TASP1: variants seen among roughly 807,000 people sequenced by gnomAD.
The protein encoded by TASP1 is taspase 1, also known as threonine aspartase 1.
TASP1 carries 16 observed loss-of-function variants against 56.6 expected under a neutral mutation model. That is an observed-to-expected ratio of 0.28 (90% CI 0.19 to 0.43). The LOEUF (loss-of-function observed/expected upper bound fraction) is 0.43, where lower values mean the gene tolerates loss of function less well. Ranked by LOEUF, TASP1 falls within the 20% of genes least tolerant of loss-of-function variation. TASP1 has a pLI of 1.00. For synonymous variants in TASP1, 179 were observed against 184.2 expected (o/e 0.97, Z 0.23); for missense variants, 393 against 511.6 (o/e 0.77, Z 2.24).
chr20:13,380,020 C>T, the TASP1 span, among the ~76,000 whole-genome samples: 2 of 152,128 alleles, frequency 1.3e-5, no homozygotes, highest in African/African-American at 4.8e-5. Flanking sequence ...TTAGAACATG[C>T]TCCTTTAGCT....
At chr20:13,579,501 C>A (rs1429265380) in intron 6 of TASP1, among the ~76,000 whole-genome samples, 1 of 152,040 alleles carries the variant, frequency 6.6e-6, no homozygotes, top group African/African-American at 2.4e-5. Flanking sequence ...CTAGCTGGGA[C>A]TACAGGTGCC....
At chr20:13,338,644 T>C in the TASP1 span, among the ~76,000 whole-genome samples, 1 of 152,234 alleles carries the variant, frequency 6.6e-6, no homozygotes, top group Non-Finnish European at 1.5e-5. Flanking sequence ...GGTTTCATGC[T>C]AAAGATGTTT....
At chr20:13,327,446 A>G in the TASP1 span, among the ~76,000 whole-genome samples, 1 of 152,164 alleles carries the variant, frequency 6.6e-6, no homozygotes, top group African/African-American at 2.4e-5. Flanking sequence ...ACAAATTAGA[A>G]AAAAAAACTA....
At chr20:13,169,298 A>G in the TASP1 span, among the ~76,000 whole-genome samples, 1 of 152,188 alleles carries the variant, frequency 6.6e-6, no homozygotes. Context: ...AATTGGCCAC[A>G]ATGGGAGTAT....
chr20:13,123,051 C>T, the TASP1 span, among the ~76,000 whole-genome samples: 5 of 152,182 alleles, frequency 3.3e-5, no homozygotes, highest in Non-Finnish European at 5.9e-5. Context: ...CAATACTCGG[C>T]CAGGCGTGGT....
At chr20:13,406,948 T>G (rs1285969516) in intron 13 of TASP1, among the ~76,000 whole-genome samples, 2 of 152,134 alleles carry the variant, frequency 1.3e-5, no homozygotes, top group Admixed American at 6.5e-5. Flanking sequence ...TTACAGGCAT[T>G]AGCCACCGTG....
At chr20:13,207,978 GA>G in the TASP1 span, among the ~76,000 whole-genome samples, 89 of 147,714 alleles carry the variant, frequency 6.0e-4, no homozygotes, top group African/African-American at 5.0e-4. Flanking sequence ...ATCTTGAAGG[GA>G]AAAAAAAAAT....
the TASP1 span, among the ~76,000 whole-genome samples, chr20:13,373,821 CA>C: frequency 2.0e-5 from 3 of 152,236 alleles, no homozygotes; most frequent in East Asian, 3.9e-4. Context: ...GCTATTTCTT[CA>C]AATACTTTTT....
chr20:13,472,884 G>A (rs2044568106), intron 11 of TASP1, among the ~76,000 whole-genome samples: 1 of 151,898 alleles, frequency 6.6e-6, no homozygotes, highest in African/African-American at 2.4e-5. Flanking sequence ...TACACTGTTG[G>A]TGGGAGTGTA....
At chr20:13,511,060 C>T (rs998978500) in intron 10 of TASP1, among the ~76,000 whole-genome samples, 5 of 152,080 alleles carry the variant, frequency 3.3e-5, no homozygotes, top group African/African-American at 1.2e-4. Flanking sequence ...CATGGGTAAT[C>T]CCATTTTCCT....
rs569996784 is a variant in TASP1 at position 13,543,703 on chromosome 20, C to A, written c.676-9562G>T. On this transcript the variant is annotated intron_variant, in intron 8 of 13. Transcript: ENST00000337743. ...CTCCACAATACAAGAAGACCATAGG[C>A]TGGCTTGTTACAGGATCTTTATTGG... Among the ~76,000 whole-genome samples the A allele has an allele frequency of 2.0e-5, 3 of 152,314 alleles. No homozygotes were observed. The East Asian group carries it at 5.8e-4, about 29-fold the overall frequency.
the TASP1 span, among the ~76,000 whole-genome samples, chr20:13,172,586 A>T: frequency 3.3e-5 from 5 of 152,058 alleles, no homozygotes; most frequent in Admixed American, 2.0e-4. Context: ...TACTATTTCT[A>T]TTGTAAATAC....
chr20:13,145,766 A>T, the TASP1 span, among the ~76,000 whole-genome samples: 2 of 152,234 alleles, frequency 1.3e-5, no homozygotes, highest in African/African-American at 4.8e-5. Flanking sequence ...CAACCAAAAC[A>T]GCATGATACT....
intron 5 of TASP1, among the ~76,000 whole-genome samples, chr20:13,584,419 C>G (rs1419179954): frequency 6.6e-6 from 1 of 152,090 alleles, no homozygotes; most frequent in African/African-American, 2.4e-5. Context: ...GCAAGCCACA[C>G]AAGAGGTATG....
rs2048109683 is a variant in TASP1 at position 13,605,328 on chromosome 20, G to T, written c.283-17958C>A. ...TTTACATTGATCAATTTTGTTGCAT[G>T]TAAATTATACTCCAATAAAGCTGAC... On this transcript the variant is annotated intron_variant, in intron 4 of 13. Coordinates refer to ENST00000337743, the MANE Select transcript of TASP1 (RefSeq NM_017714.3). Among the ~76,000 whole-genome samples the T allele has an allele frequency of 3.3e-5, 5 of 152,242 alleles. No homozygotes were observed. The South Asian group carries it at 1.0e-3, about 32-fold the overall frequency.
At chr20:13,357,782 C>T in the TASP1 span, among the ~76,000 whole-genome samples, 1 of 152,198 alleles carries the variant, frequency 6.6e-6, no homozygotes, top group South Asian at 2.1e-4. Flanking sequence ...ACATTCAATG[C>T]AATACTATAC....
chr20:13,557,109 T>A (rs1234346894), intron 8 of TASP1, among the ~76,000 whole-genome samples: 1 of 152,176 alleles, frequency 6.6e-6, no homozygotes, highest in Admixed American at 6.5e-5. Flanking sequence ...GTGAAACTCC[T>A]ATATATAAAA....
At chr20:13,130,934 A>G in the TASP1 span, among the ~76,000 whole-genome samples, 4 of 152,230 alleles carry the variant, frequency 2.6e-5, no homozygotes, top group Non-Finnish European at 4.4e-5. Flanking sequence ...TATGCTAAAT[A>G]AGATCATGAG....
intron 6 of TASP1, among the ~76,000 whole-genome samples, chr20:13,577,930 G>A (rs1009052523): frequency 2.6e-5 from 4 of 152,082 alleles, no homozygotes; most frequent in African/African-American, 9.7e-5. Context: ...TGGATATTTA[G>A]GTAGCTTACA....
Sources: allele counts gnomAD v4.1 joint callset (sites outside exome capture counted in the v4.1 genomes callset), GRCh38; gene constraint gnomAD v4.1.1; transcripts MANE v1.5; gene names NCBI Gene and HGNC (gene_info 2026-07-23, HGNC 2026-07-21).